Variants in NTN1 observed in about 807,000 individuals in gnomAD.
NTN1 encodes the protein netrin 1.
A neutral mutation model predicts 54.2 loss-of-function variants in NTN1; 11 were observed. The ratio of observed to expected loss-of-function variants is 0.20; its 90% CI spans 0.13 to 0.34. The LOEUF is 0.34. Ranked by LOEUF, NTN1 falls within the 10% of genes least tolerant of loss-of-function variation. The pLI, the probability that NTN1 is intolerant of heterozygous loss-of-function variation, is 1.00. For synonymous variants in NTN1, 371 were observed against 382.0 expected, an observed-to-expected ratio of 0.97 and a Z score of 0.33; for missense variants, 740 against 893.1, an observed-to-expected ratio of 0.83 and a Z score of 2.18.
chr17:9,082,406 A>G (rs945291498), intron 2 of NTN1, among the ~76,000 whole-genome samples: 3 of 152,148 alleles, frequency 2.0e-5, no homozygotes, highest in African/African-American at 4.8e-5. Context: ...TCTTTTCTGG[A>G]TATCTCCTCT....
chr17:9,081,548 C>G lies in NTN1; in HGVS notation c.1018+58157C>G, dbSNP rs530559214. On this transcript the variant is annotated intron_variant, in intron 2 of 6. Transcript: ENST00000173229. ...TCTCCTCACCTCTCGTCCTCCACCCCCAAACCCACCTGCCCCACCCGTCCA... is the reference window on the plus strand; with the variant it reads ...TCTCCTCACCTCTCGTCCTCCACCCGCAAACCCACCTGCCCCACCCGTCCA... Among the ~76,000 whole-genome samples, 217 of 152,294 alleles carry G rather than the reference C, an allele frequency of 1.4e-3. 1 individual carries two copies. Among genetic ancestry groups the G allele is most frequent in the African/African-American group, 4.9e-3 (202 of 41,562 alleles).
rs549590557 is a variant in NTN1 at position 9,136,632 on chromosome 17, G to A, written c.1019-26181G>A. Among the ~76,000 whole-genome samples, 4 of 152,240 alleles carry A rather than the reference G, an allele frequency of 2.6e-5. No homozygotes were observed. The South Asian group carries it at 6.2e-4, about 24-fold the overall frequency. ...GAAAAAAGAGCATAGTGTAACAAAC[G>A]CCTGTGTGCCAGCTCCTAGCTTTAT... On this transcript the variant is annotated intron_variant, in intron 2 of 6. Coordinates refer to ENST00000173229, the MANE Select transcript of NTN1 (RefSeq NM_004822.3).
chr17:9,215,507 T>G (rs900430104), intron 5 of NTN1, among the ~76,000 whole-genome samples: 1 of 151,588 alleles, frequency 6.6e-6, no homozygotes, highest in African/African-American at 2.4e-5. Flanking sequence ...TTGACTCATT[T>G]CATAGTTGGT....
At chr17:9,026,344 C>T (rs59554893) in intron 2 of NTN1, among the ~76,000 whole-genome samples, 6,484 of 146,792 alleles carry the variant, frequency 0.044, 466 homozygotes, top group African/African-American at 0.15. Context: ...AAAATGTGAA[C>T]GTTCATAAAG....
chr17:9,194,655 A>T (rs1238492805), intron 5 of NTN1, among the ~76,000 whole-genome samples: 1 of 152,032 alleles, frequency 6.6e-6, no homozygotes, highest in Non-Finnish European at 1.5e-5. Flanking sequence ...TGTGATAATT[A>T]AGTGTCCCTT....
chr17:9,019,923 G>A (rs1347841055), upstream of NTN1, among the ~76,000 whole-genome samples: 1 of 152,220 alleles, frequency 6.6e-6, no homozygotes, highest in African/African-American at 2.4e-5. Context: ...ACAGTGCAGA[G>A]TGTGGTAAAC....
At chr17:9,233,179 G>A (rs919811868) in intron 6 of NTN1, among the ~76,000 whole-genome samples, 2 of 152,016 alleles carry the variant, frequency 1.3e-5, no homozygotes, top group East Asian at 1.9e-4. Flanking sequence ...ACCTCCAGGA[G>A]GTAGGAAGCC....
intron 2 of NTN1, among the ~76,000 whole-genome samples, chr17:9,131,863 G>A (rs1025328454): frequency 2.6e-5 from 4 of 151,988 alleles, no homozygotes; most frequent in Admixed American, 1.3e-4. Context: ...GAGTGCAGTA[G>A]CATGATCTCG....
chr17:9,003,207 C>A, the NTN1 span, among the ~76,000 whole-genome samples: 1 of 151,938 alleles, frequency 6.6e-6, no homozygotes, highest in African/African-American at 2.4e-5. The surrounding 1 kb of genome is among the most constrained non-coding windows in gnomAD (Gnocchi z 7.4). Flanking sequence ...CTGCCCCGCG[C>A]TCGGGAAGCT....
chr17:9,186,771 T>C (rs923422320), intron 5 of NTN1, among the ~76,000 whole-genome samples: 7 of 152,246 alleles, frequency 4.6e-5, no homozygotes, highest in Non-Finnish European at 8.8e-5. Flanking sequence ...CCTCCACTTT[T>C]TCACGGAAGG....
At chr17:9,208,009 G>A (rs1270532220) in intron 5 of NTN1, among the ~76,000 whole-genome samples, 1 of 152,162 alleles carries the variant, frequency 6.6e-6, no homozygotes, top group African/African-American at 2.4e-5. Flanking sequence ...TGAGGCAGGT[G>A]GATCATGAGG....
chr17:9,151,459 C>A (rs1006016051), intron 2 of NTN1, among the ~76,000 whole-genome samples: 5 of 152,316 alleles, frequency 3.3e-5, no homozygotes, highest in African/African-American at 1.2e-4. Context: ...TGACTCCGGG[C>A]ACTGAGGTTC....
At chr17:9,029,708 C>A (rs571395600) in intron 2 of NTN1, among the ~76,000 whole-genome samples, 7 of 152,286 alleles carry the variant, frequency 4.6e-5, no homozygotes, top group African/African-American at 1.7e-4. Flanking sequence ...AAAGTTATAT[C>A]ATTGGCCGGG....
chr17:9,122,543 C>A (rs1188774128), intron 2 of NTN1, among the ~76,000 whole-genome samples: 1 of 152,106 alleles, frequency 6.6e-6, no homozygotes, highest in African/African-American at 2.4e-5. Flanking sequence ...CATTAAACAC[C>A]AAGCAGTGGT....
intron 6 of NTN1, among the ~76,000 whole-genome samples, chr17:9,232,088 C>A (rs772286248): frequency 6.6e-6 from 1 of 152,192 alleles, no homozygotes; most frequent in Admixed American, 6.5e-5. Flanking sequence ...CACTGTCCAC[C>A]CTTCAGGATG....
At position 9,022,350 on chromosome 17, in the gene NTN1, G is replaced by A; in HGVS notation, c.-24G>A. 1 of 1,277,978 alleles carries A rather than the reference G, an allele frequency of 7.8e-7. No individual in the cohort carries two copies. Among genetic ancestry groups the A allele is most frequent in the Middle Eastern group, 2.9e-4 (1 of 3,406 alleles). 79.2% of individuals were successfully genotyped at this position (1,277,978 alleles called of 1,614,324 possible). A position where few individuals can be genotyped will look rare whatever the true frequency, so the allele number is the denominator to read the frequency against. On this transcript the variant is annotated 5_prime_UTR_variant, in exon 2 of 7. Transcript: ENST00000173229. ...AGGCGGACAGATCCTCGGCGCGGCA[G>A]GGCCGGGGCAAGCTGGACGCAGCAT...
chr17:9,010,751 T>C, the NTN1 span, among the ~76,000 whole-genome samples: 1 of 152,172 alleles, frequency 6.6e-6, no homozygotes, highest in Non-Finnish European at 1.5e-5. Flanking sequence ...TTAAGGGCTG[T>C]AGGGCAGCGG....
chr17:9,231,851 A>G (rs545712784), intron 6 of NTN1, among the ~76,000 whole-genome samples: 2 of 152,302 alleles, frequency 1.3e-5, no homozygotes, highest in South Asian at 4.1e-4. Context: ...TGGCTTTCTC[A>G]CTTTCCCTCC....
At chr17:9,133,390 A>G (rs967983616) in intron 2 of NTN1, among the ~76,000 whole-genome samples, 1 of 152,166 alleles carries the variant, frequency 6.6e-6, no homozygotes, top group Non-Finnish European at 1.5e-5. Flanking sequence ...GCCCAGCAGG[A>G]GCAGGGCCAT....
Sources: gnomAD v4.1 joint callset for allele counts (sites outside exome capture counted in the v4.1 genomes callset) on GRCh38, gnomAD v4.1.1 for gene constraint, Gnocchi (gnomAD v3.1) non-coding constraint, MANE v1.5 for transcripts, NCBI Gene and HGNC (gene_info 2026-07-23, HGNC 2026-07-21) for gene names.